Variants in CRB2 observed in about 807,000 individuals in gnomAD.
CRB2 encodes protein crumbs homolog 2.
In CRB2, 85 loss-of-function variants were observed where a neutral mutation model predicts 110.9. The observed-to-expected ratio is 0.77, with a 90% CI of 0.64 to 0.92. The LOEUF (loss-of-function observed/expected upper bound fraction) is 0.92, where lower values mean the gene tolerates loss of function less well. Among genes scored for constraint, CRB2 ranks in the 40% least tolerant of loss-of-function variants. The pLI is 0.00. For missense variants in CRB2, 1,843 were observed against 1,851.3 expected, an observed-to-expected ratio of 1.00 and a Z score of 0.08; for synonymous variants, 907 against 831.0, an observed-to-expected ratio of 1.09 and a Z score of -1.57.
Position 123,377,159 on chromosome 9 carries a change from G to C in CRB2, c.*97G>C. ...TTCCAGGGCTCGGGACATTGCTACG[G>C]AAGTGTCCCCTTGGCTGGCAGCCTC... On this transcript the variant is annotated 3_prime_UTR_variant, in exon 13 of 13. Transcript: ENST00000373631. 3 of 1,164,102 alleles carry C rather than the reference G, an allele frequency of 2.6e-6. No individual in the cohort carries two copies. The allele number at this position is 1,164,102 out of a possible 1,614,324, so 72.1% of individuals were successfully genotyped here.
At chr9:123,379,301 C>T (rs2042166477), downstream of CRB2, among the ~76,000 whole-genome samples, 1 of 152,210 alleles carries the variant, frequency 6.6e-6, no homozygotes, top group Non-Finnish European at 1.5e-5. Flanking sequence ...GTCCCAGGCT[C>T]TGTTCTTGCT....
downstream of CRB2, chr9:123,379,717 CCA>C (rs2042180910): frequency 6.6e-6 from 1 of 152,250 alleles, no homozygotes; most frequent in South Asian, 2.1e-4. Flanking sequence ...GCAAAAAGTC[CCA>C]CAAGTGAAGA....
chr9:123,365,982 C>A lies in CRB2; in HGVS notation c.484C>A (p.Leu162Met). ...SAPCLHGGSC[L>M]DGVGSFRCVC... ...GCCCTGCCTGCACGGGGGCTCGTGCCTGGACGGCGTGGGCTCCTTCCGCTG... is the reference window on the plus strand; with the variant it reads ...GCCCTGCCTGCACGGGGGCTCGTGCATGGACGGCGTGGGCTCCTTCCGCTG... Residue 162 changes from leucine (L) to methionine (M), a missense_variant, in exon 3 of 13, where the codon CTG (leucine) becomes ATG (methionine). Coordinates refer to ENST00000373631, the MANE Select transcript of CRB2 (RefSeq NM_173689.7). 6.3e-7 allele frequency: 1 copy of A among 1,597,412 alleles called. No homozygotes were observed. The highest frequency in any genetic ancestry group is 8.5e-7 in the Non-Finnish European group (1 of 1,179,084).
chr9:123,370,332 C>T lies in CRB2; in HGVS notation c.1279C>T (p.Pro427Ser). Residue 427 changes from proline to serine, a missense_variant, in exon 7 of 13, where the codon CCA becomes TCA. Coordinates refer to ENST00000373631, the MANE Select transcript of CRB2 (RefSeq NM_173689.7). ...GGTCCACAGTTACGTCTGCCACTGCCCACCTGGTACCCATGGACCGTTCTG... is the reference window on the plus strand; with the variant it reads ...GGTCCACAGTTACGTCTGCCACTGCTCACCTGGTACCCATGGACCGTTCTG... Reference protein sequence around the residue: ...SGVHSYVCHCPPGTHGPFCGQ... With the variant: ...SGVHSYVCHCSPGTHGPFCGQ... 2 of 1,613,844 alleles carry T rather than the reference C, an allele frequency of 1.2e-6. No homozygotes were observed. The highest frequency in any genetic ancestry group is 4.5e-5 in the East Asian group (2 of 44,886).
chr9:123,359,441 GTTTTTTTT>G (rs375773781), intron 1 of CRB2, among the ~76,000 whole-genome samples: 19 of 94,430 alleles, frequency 2.0e-4, no homozygotes, highest in African/African-American at 9.3e-4. Flanking sequence ...TTTTTGTTTT[GTTTTTTTT>G]TTTTTTTTTT....
chr9:123,363,313 C>G, intron 2 of CRB2, 125 bp downstream of exon 2: 2 of 1,022,536 alleles, frequency 2.0e-6, no homozygotes, highest in Non-Finnish European at 2.8e-6. Flanking sequence ...CCGGGCAGCT[C>G]TAGGGTATAT....
Position 123,356,286 on chromosome 9 carries a change from C to G in CRB2, c.26C>G (p.Pro9Arg). The G allele has an allele frequency of 6.5e-7, 1 of 1,539,256 alleles. No individual in the cohort carries two copies. Among genetic ancestry groups the G allele is most frequent in the South Asian group, 1.2e-5 (1 of 83,304 alleles). Residue 9 changes from proline (P) to arginine (R), a missense_variant, in exon 1 of 13, where the codon CCG (proline) becomes CGG (arginine). Coordinates refer to ENST00000373631, the MANE Select transcript of CRB2 (RefSeq NM_173689.7). MALARPGTPDPQALASVLL... is the reference protein window; with the variant it reads MALARPGTRDPQALASVLL... Reference sequence around the variant, plus strand: ...ATGGCGCTGGCCAGGCCTGGGACCCCGGACCCCCAGGCCCTGGCCTCTGTC... The same window carrying G: ...ATGGCGCTGGCCAGGCCTGGGACCCGGGACCCCCAGGCCCTGGCCTCTGTC...
In CRB2 at chr9:123,371,101, C is replaced by A; in HGVS notation, c.1959C>A (p.Gly653=). The A allele has an allele frequency of 6.2e-7, 1 of 1,612,990 alleles. No individual in the cohort carries two copies. The highest frequency in any genetic ancestry group is 8.5e-7 in the Non-Finnish European group (1 of 1,179,844). The part of the protein sequence containing the change: ...EIPAATFGLG[G]APSSASFLLQ... ...CTGCTGCCACCTTTGGCTTGGGAGG[C>A]GCCCCAAGCTCTGCCTCCTTTCTGC... Residue 653 remains glycine, a synonymous_variant, in exon 8 of 13, where the codon GGC becomes GGA. Coordinates refer to ENST00000373631, the MANE Select transcript of CRB2 (RefSeq NM_173689.7).
intron 6 of CRB2, among the ~76,000 whole-genome samples, chr9:123,368,537 A>C (rs1184620973): frequency 1.3e-5 from 2 of 152,248 alleles, no homozygotes; most frequent in Non-Finnish European, 2.9e-5. Context: ...CCACAGCCCC[A>C]TGAGGCAGGG....
rs745328584 is a variant in CRB2, at chr9:123,371,597, T to C, written c.2436+19T>C. 57 of 1,606,706 alleles carry C rather than the reference T, an allele frequency of 3.5e-5. 1 individual carries two copies. The South Asian group carries it at 5.4e-4, about 15-fold the overall frequency. On this transcript the variant is annotated intron_variant, in intron 8 of 12. Coordinates refer to ENST00000373631, the MANE Select transcript of CRB2 (RefSeq NM_173689.7). ...GTGCAGTGTAAGTGTCTGGTGGCGG[T>C]GGTGGTGGTGGGGTGGGGAGTCCTT... is the stretch of plus-strand genomic sequence containing the variant.
intron 6 of CRB2, chr9:123,368,946 G>T: frequency 1.6e-6 from 2 of 1,236,878 alleles, no homozygotes; most frequent in Non-Finnish European, 2.1e-6. Flanking sequence ...GCTCCTGGCA[G>T]GTATGGAGGA....
intron 12 of CRB2, among the ~76,000 whole-genome samples, chr9:123,375,634 C>T (rs1172635857): frequency 3.3e-5 from 5 of 152,176 alleles, no homozygotes; most frequent in African/African-American, 7.2e-5. Context: ...CAGATGGTCT[C>T]TGCCAATCCA....
chr9:123,379,346 C>T (rs1588229464), downstream of CRB2, among the ~76,000 whole-genome samples: 1 of 152,178 alleles, frequency 6.6e-6, no homozygotes, highest in East Asian at 1.9e-4. Flanking sequence ...TGCCAGGTGT[C>T]CCCTTGAACT....
chr9:123,373,320 C>G lies in CRB2; in HGVS notation c.2789C>G (p.Ala930Gly). Residue 930 changes from alanine to glycine, a missense_variant, in exon 10 of 13, where the codon GCG becomes GGG. Transcript: ENST00000373631. ...VWLAVRNGSL[A>G]GGVRGGHGLP... ...CTGGCGGTGCGCAATGGCTCGCTGG[C>G]GGGGGGCGTGCGCGGAGGCCATGGC... 1 of 1,450,304 alleles carries G rather than the reference C, an allele frequency of 6.9e-7. No individual in the cohort carries two copies. The highest frequency in any genetic ancestry group is 3.0e-5 in the East Asian group (1 of 33,638). The allele number at this position is 1,450,304 out of a possible 1,614,324, so 89.8% of individuals were successfully genotyped here. A position where few individuals can be genotyped will look rare whatever the true frequency, so the allele number is the denominator to read the frequency against.
intron 1 of CRB2, among the ~76,000 whole-genome samples, chr9:123,360,945 T>G (rs909688875): frequency 6.6e-6 from 1 of 152,062 alleles, no homozygotes; most frequent in African/African-American, 2.4e-5. Flanking sequence ...AGAAATTCCT[T>G]CCTCCCATGG....
At chr9:123,363,280 C>T (rs1159650416) in intron 2 of CRB2, 92 bp downstream of exon 2, 20 of 1,335,580 alleles carry the variant, frequency 1.5e-5, no homozygotes, top group Middle Eastern at 2.0e-4. Context: ...CTTTGCCTTT[C>T]GTGTAGGGAC....
intron 2 of CRB2, among the ~76,000 whole-genome samples, chr9:123,363,419 C>G (rs920429531): frequency 1.3e-5 from 2 of 152,156 alleles, no homozygotes; most frequent in Non-Finnish European, 2.9e-5. Context: ...CTCAGGCACT[C>G]GGTAAATGTG....
In CRB2 at chr9:123,367,240, C is replaced by A; in HGVS notation, c.823C>A (p.Arg275=). Residue 275 remains arginine, a synonymous_variant, in exon 5 of 13, where the codon CGA becomes AGA. Transcript: ENST00000373631. The part of the protein sequence containing the change: ...CASSPCQHGG[R]CLQRSDPALY... ...ATCGAGCCCCTGCCAGCATGGGGGC[C>A]GATGCCTGCAGCGCTCTGACCCGGC... 1.3e-6 allele frequency: 2 copies of A among 1,598,792 alleles called. No homozygotes were observed. The highest frequency in any genetic ancestry group is 1.7e-6 in the Non-Finnish European group (2 of 1,177,722).
intron 11 of CRB2, among the ~76,000 whole-genome samples, 160 bp from the exon 12 acceptor site, chr9:123,375,057 G>A (rs1212305438): frequency 1.3e-5 from 2 of 152,226 alleles, no homozygotes; most frequent in East Asian, 1.9e-4. Flanking sequence ...GGCTGCTCAG[G>A]TGGTCACCTG....
Sources: gnomAD v4.1 joint callset for allele counts (sites outside exome capture counted in the v4.1 genomes callset) on GRCh38, gnomAD v4.1.1 for gene constraint, MANE v1.5 for transcripts, NCBI Gene and HGNC (gene_info 2026-07-23, HGNC 2026-07-21) for gene names.